The following PARD3B variants were observed in gnomAD, a reference collection of about 807,000 sequenced individuals.
PARD3B encodes the protein partitioning defective 3 homolog B.
A neutral mutation model predicts 130.2 loss-of-function variants in PARD3B; 103 were observed. The ratio of observed to expected loss-of-function variants is 0.79; its 90% CI spans 0.67 to 0.93. The LOEUF is 0.93. PARD3B is among the 40% of genes least tolerant of loss of function. The probability of loss-of-function intolerance (pLI) is 0.00; values close to 1 mark genes in which losing one functional copy is unlikely to be tolerated. For missense variants in PARD3B, 1,609 were observed against 1,499.2 expected (o/e 1.07, Z -1.21); for synonymous variants, 583 against 553.2 (o/e 1.05, Z -0.76).
intron 18 of PARD3B, among the ~76,000 whole-genome samples, chr2:205,354,422 C>T (rs896096313): frequency 6.6e-6 from 1 of 151,298 alleles, no homozygotes; most frequent in Non-Finnish European, 1.5e-5. Context: ...AACAAGCCGG[C>T]ACGTTGTGCG....
At chr2:205,067,842 T>C (rs1163037090) in intron 4 of PARD3B, among the ~76,000 whole-genome samples, 1 of 152,228 alleles carries the variant, frequency 6.6e-6, no homozygotes. Context: ...CTTCCTTTCA[T>C]TTCTATGGCC....
rs1343526567 is a variant in PARD3B, at chr2:204,584,707, A to G, written c.120+38588A>G. Among the ~76,000 whole-genome samples, 16 of 152,214 alleles carry G rather than the reference A, an allele frequency of 1.1e-4. 1 individual carries two copies. On this transcript the variant is annotated intron_variant, in intron 1 of 22. Transcript: ENST00000406610. ...AAAGCTCTCCAGTCCCTCATTTTAT[A>G]GATGAGAAGATTCAGGACTAGCAAG...
intron 18 of PARD3B, among the ~76,000 whole-genome samples, chr2:205,303,415 C>G (rs2042081810): frequency 6.6e-6 from 1 of 152,204 alleles, no homozygotes; most frequent in Admixed American, 6.5e-5. Flanking sequence ...CCCTAAGCCT[C>G]TGACCTCAGA....
At chr2:205,088,155 C>T (rs1466090757) in intron 4 of PARD3B, among the ~76,000 whole-genome samples, 4 of 152,014 alleles carry the variant, frequency 2.6e-5, no homozygotes, top group African/African-American at 9.7e-5. Context: ...GGGCACTCAC[C>T]AGTCTTTCCA....
chr2:204,754,601 C>A (rs1190858774), intron 2 of PARD3B, among the ~76,000 whole-genome samples: 1 of 152,092 alleles, frequency 6.6e-6, no homozygotes, highest in African/African-American at 2.4e-5. Context: ...ATTGTTATTA[C>A]ATTATTTTCA....
At chr2:205,457,851 G>A (rs2048326647) in intron 20 of PARD3B, among the ~76,000 whole-genome samples, 1 of 152,096 alleles carries the variant, frequency 6.6e-6, no homozygotes, top group African/African-American at 2.4e-5. Context: ...TCTGAAATCT[G>A]AAACTTTTTG....
At chr2:205,005,180 CAT>C (rs1355524676) in intron 3 of PARD3B, among the ~76,000 whole-genome samples, 4 of 152,006 alleles carry the variant, frequency 2.6e-5, no homozygotes, top group African/African-American at 2.4e-5. Flanking sequence ...CACACACACA[CAT>C]ATACACACAG....
intron 2 of PARD3B, among the ~76,000 whole-genome samples, chr2:204,845,196 A>G (rs571117983): frequency 6.6e-6 from 1 of 152,266 alleles, no homozygotes; most frequent in African/African-American, 2.4e-5. Context: ...TGGAAGCTAT[A>G]AAAAGTGTAT....
intron 10 of PARD3B, among the ~76,000 whole-genome samples, chr2:205,154,350 C>G (rs948237152): frequency 6.6e-6 from 1 of 152,156 alleles, no homozygotes; most frequent in African/African-American, 2.4e-5. Flanking sequence ...CCATGAGACA[C>G]CATCTCACAC....
intron 2 of PARD3B, among the ~76,000 whole-genome samples, chr2:204,806,421 A>T (rs1311916787): frequency 6.6e-6 from 1 of 152,186 alleles, no homozygotes; most frequent in Non-Finnish European, 1.5e-5. Flanking sequence ...GTGCTGAGAA[A>T]ACTGGATATT....
intron 2 of PARD3B, among the ~76,000 whole-genome samples, chr2:204,746,983 T>G (rs1236782633): frequency 6.6e-6 from 1 of 152,192 alleles, no homozygotes; most frequent in Non-Finnish European, 1.5e-5. Flanking sequence ...TTAGTTTAAT[T>G]AGATCCCATT....
chr2:205,512,559 A>G (rs2050626440), intron 21 of PARD3B, among the ~76,000 whole-genome samples: 1 of 152,134 alleles, frequency 6.6e-6, no homozygotes, highest in Non-Finnish European at 1.5e-5. Context: ...ATTTTCTGCA[A>G]TTTTCCATTC....
At chr2:204,796,587 C>T (rs1468211102) in intron 2 of PARD3B, among the ~76,000 whole-genome samples, 1 of 152,200 alleles carries the variant, frequency 6.6e-6, no homozygotes, top group Non-Finnish European at 1.5e-5. Flanking sequence ...TGTGATTCTT[C>T]ATTCTCATTG....
chr2:205,609,105 C>T (rs73062232), intron 22 of PARD3B, among the ~76,000 whole-genome samples: 3,493 of 152,210 alleles, frequency 0.023, 127 homozygotes, highest in African/African-American at 0.078. Flanking sequence ...TCCGTAAAAT[C>T]TGCCGAAATC....
chr2:205,392,481 C>T (rs1184970263), intron 18 of PARD3B, among the ~76,000 whole-genome samples: 1 of 152,104 alleles, frequency 6.6e-6, no homozygotes, highest in Non-Finnish European at 1.5e-5. Context: ...TTTCATATAG[C>T]TTGTCATCAT....
intron 21 of PARD3B, among the ~76,000 whole-genome samples, chr2:205,523,628 T>C (rs1176199246): frequency 1.3e-5 from 2 of 152,082 alleles, no homozygotes; most frequent in African/African-American, 4.8e-5. Context: ...AACTTTCCTT[T>C]ATACTTTTTA....
intron 1 of PARD3B, among the ~76,000 whole-genome samples, chr2:204,626,176 T>C (rs547259197): frequency 6.6e-6 from 1 of 152,238 alleles, no homozygotes; most frequent in East Asian, 1.9e-4. Context: ...TTTGGATACA[T>C]GTCTGGGTGG....
intron 19 of PARD3B, among the ~76,000 whole-genome samples, chr2:205,404,373 A>T (rs2046351027): frequency 6.6e-6 from 1 of 152,194 alleles, no homozygotes; most frequent in African/African-American, 2.4e-5. Context: ...ATATGCAAAT[A>T]TTACTCCATT....
rs368270755 is a variant in PARD3B, at chr2:205,048,953, A to G, written c.504+1263A>G. ...CGTACAAACAAAACTGGTATGTGGT[A>G]TGACTTTTCTTAAAACACACACTGG... On this transcript the variant is annotated intron_variant, in intron 4 of 22. Coordinates refer to ENST00000406610, the MANE Select transcript of PARD3B (RefSeq NM_001302769.2). Among the ~76,000 whole-genome samples, 30 of 152,208 alleles carry G rather than the reference A, an allele frequency of 2.0e-4. 1 individual carries two copies. The highest frequency in any genetic ancestry group is 9.6e-4 in the East Asian group (5 of 5,198).
Sources: allele counts gnomAD v4.1 joint callset (sites outside exome capture counted in the v4.1 genomes callset), GRCh38; gene constraint gnomAD v4.1.1; transcripts MANE v1.5; gene names NCBI Gene and HGNC (gene_info 2026-07-23, HGNC 2026-07-21).